Variants in PRKN observed in about 807,000 individuals in gnomAD.
The protein encoded by PRKN is parkin RBR E3 ubiquitin protein ligase, also known as E3 ubiquitin-protein ligase parkin.
A neutral mutation model predicts 59.5 loss-of-function variants in PRKN; 56 were observed. The observed-to-expected ratio is 0.94, with a 90% CI of 0.76 to 1.18. The LOEUF (loss-of-function observed/expected upper bound fraction) is 1.18, where lower values mean the gene tolerates loss of function less well. PRKN is among the 50% of genes most tolerant of loss of function. The probability of loss-of-function intolerance (pLI) is 0.00; values close to 1 mark genes in which losing one functional copy is unlikely to be tolerated. For missense variants in PRKN, 657 were observed against 596.4 expected, an observed-to-expected ratio of 1.10 and a Z score of -1.06; for synonymous variants, 250 against 222.1, an observed-to-expected ratio of 1.13 and a Z score of -1.12.
Position 161,529,959 on chromosome 6 carries a change from G to T in PRKN, c.1083+18895C>A, listed in dbSNP as rs138006284. Among the ~76,000 whole-genome samples the T allele has an allele frequency of 3.4e-3, 513 of 152,096 alleles. 2 individuals are homozygous for T. Among genetic ancestry groups the T allele is most frequent in the African/African-American group, 0.012 (497 of 41,464 alleles). On this transcript the variant is annotated intron_variant, in intron 9 of 11. Transcript: ENST00000366898. This position sits in a 1 kb window ranked among gnomAD's most constrained non-coding sequence, Gnocchi z 4.4. ...TAACACAGGAACATTAATCTACTTT[G>T]TAGAGTAGTGAAACTTATTGAGCAT...
chr6:161,579,136 G>A lies in PRKN; in HGVS notation c.872-9720C>T, dbSNP rs921007116. On this transcript the variant is annotated intron_variant, in intron 7 of 11. Coordinates refer to ENST00000366898, the MANE Select transcript of PRKN (RefSeq NM_004562.3). The surrounding 1 kb of genome is among the most constrained non-coding windows in gnomAD (Gnocchi z 4.2). ...TGTCCTTGGTTGACATCAGAGAAAGGAAAGGGAGGAAGTGAAGGAGATGGA... is the reference window on the plus strand; with the variant it reads ...TGTCCTTGGTTGACATCAGAGAAAGAAAAGGGAGGAAGTGAAGGAGATGGA... Among the ~76,000 whole-genome samples the A allele has an allele frequency of 1.3e-5, 2 of 152,224 alleles. No homozygotes were observed. The highest frequency in any genetic ancestry group is 2.9e-5 in the Non-Finnish European group (2 of 68,038).
chr6:161,926,061 A>G (rs1778957609), intron 6 of PRKN, among the ~76,000 whole-genome samples: 1 of 152,210 alleles, frequency 6.6e-6, no homozygotes, highest in Non-Finnish European at 1.5e-5. Flanking sequence ...AGCTGAAGTA[A>G]GTTCTGTAAT....
At chr6:162,084,765 G>A (rs1779187416) in intron 4 of PRKN, among the ~76,000 whole-genome samples, 1 of 151,816 alleles carries the variant, frequency 6.6e-6, no homozygotes, top group African/African-American at 2.4e-5. Context: ...TCTCTATAGT[G>A]TGTATTTAAA....
At chr6:161,793,792 A>G (rs569279435) in intron 6 of PRKN, among the ~76,000 whole-genome samples, 18 of 152,292 alleles carry the variant, frequency 1.2e-4, no homozygotes, top group African/African-American at 4.3e-4. Context: ...CTGTTTATAA[A>G]GGTTTTTAAC....
At chr6:161,840,895 A>G (rs1326549358) in intron 6 of PRKN, among the ~76,000 whole-genome samples, 1 of 151,894 alleles carries the variant, frequency 6.6e-6, no homozygotes, top group Non-Finnish European at 1.5e-5. Context: ...CAGAATGGCT[A>G]TTATTAAAAA....
At position 161,752,370 on chromosome 6, in the gene PRKN, CAAACAAAAAAACA is replaced by C. The variant is rs757471061; in HGVS notation, c.871+33389_871+33401del. Among the ~76,000 whole-genome samples, 250 of 107,754 alleles carry C rather than the reference CAAACAAAAAAACA, an allele frequency of 2.3e-3. 1 individual carries two copies. Among genetic ancestry groups the C allele is most frequent in the Non-Finnish European group, 4.4e-3 (189 of 42,486 alleles). 70.7% of individuals were successfully genotyped at this position (107,754 alleles called of 152,430 possible). A position where few individuals can be genotyped will look rare whatever the true frequency, so the allele number is the denominator to read the frequency against. ...TGACAGAGCGAGACTCTGTCTCAAA[CAAACAAAAAAACA>C]AAACAAAACAAACAAAAAACTCGCT... is the stretch of plus-strand genomic sequence containing the variant. On this transcript the variant is annotated intron_variant, in intron 7 of 11. Transcript: ENST00000366898.
chr6:162,455,174 C>G (rs901766500), intron 1 of PRKN, among the ~76,000 whole-genome samples: 1 of 152,060 alleles, frequency 6.6e-6, no homozygotes, highest in African/African-American at 2.4e-5. Context: ...ATGACGGTAT[C>G]TTATATCACC....
rs71544924 is a variant in PRKN at position 162,122,716 on chromosome 6, TTCTATCTATCTA to T, written c.535-68554_535-68543del. 1.9e-3 allele frequency among the ~76,000 whole-genome samples: 274 copies of T among 147,918 alleles called. 1 individual carries two copies. The highest frequency in any genetic ancestry group is 6.7e-3 in the East Asian group (33 of 4,926). ...TTTGGATAGCCTGGGGCTCAATCTG[TTCTATCTATCTA>T]TCTATCTATCTATCTATCTATCTAT... is the stretch of plus-strand genomic sequence containing the variant. On this transcript the variant is annotated intron_variant, in intron 4 of 11. Coordinates refer to ENST00000366898, the MANE Select transcript of PRKN (RefSeq NM_004562.3).
intron 2 of PRKN, among the ~76,000 whole-genome samples, chr6:162,370,710 G>A (rs775181931): frequency 1.3e-5 from 2 of 152,170 alleles, no homozygotes; most frequent in Non-Finnish European, 2.9e-5. Context: ...CACTACAAAT[G>A]AATACAGTCA....
chr6:162,337,384 T>C (rs1562681827), intron 2 of PRKN, among the ~76,000 whole-genome samples: 2 of 152,342 alleles, frequency 1.3e-5, no homozygotes, highest in East Asian at 1.9e-4. Context: ...AATAGGTAAC[T>C]AGACGATGCC....
chr6:162,398,987 TA>T (rs1277472162), intron 2 of PRKN, among the ~76,000 whole-genome samples: 2 of 152,216 alleles, frequency 1.3e-5, no homozygotes, highest in Admixed American at 1.3e-4. Flanking sequence ...ACTTAAAACA[TA>T]AACATGATTA....
chr6:162,201,874 T>C (rs753687147), intron 3 of PRKN, among the ~76,000 whole-genome samples: 6 of 152,156 alleles, frequency 3.9e-5, no homozygotes, highest in Non-Finnish European at 8.8e-5. Flanking sequence ...GCAAACACCA[T>C]TCAAATAATA....
At chr6:162,477,497 G>A (rs769372282) in intron 1 of PRKN, among the ~76,000 whole-genome samples, 1 of 152,128 alleles carries the variant, frequency 6.6e-6, no homozygotes, top group Non-Finnish European at 1.5e-5. Flanking sequence ...TATAAGAGTC[G>A]AGTTATGCAG....
intron 1 of PRKN, among the ~76,000 whole-genome samples, chr6:162,717,297 C>T (rs1778765679): frequency 6.6e-6 from 1 of 152,082 alleles, no homozygotes; most frequent in African/African-American, 2.4e-5. Flanking sequence ...CACTTTGGGG[C>T]TGGGCACAGT....
chr6:161,805,274 G>A (rs1791260079), intron 6 of PRKN, among the ~76,000 whole-genome samples: 2 of 152,092 alleles, frequency 1.3e-5, no homozygotes, highest in Admixed American at 1.3e-4. Context: ...CGTTCTTCAT[G>A]TTTACTCGAT....
chr6:162,510,162 G>A (rs1055629685), intron 1 of PRKN, among the ~76,000 whole-genome samples: 6 of 152,142 alleles, frequency 3.9e-5, no homozygotes, highest in African/African-American at 9.7e-5. Flanking sequence ...ACCCAACACC[G>A]ACACCTCTAC....
At chr6:161,884,498 G>A (rs888902193) in intron 6 of PRKN, among the ~76,000 whole-genome samples, 5 of 152,082 alleles carry the variant, frequency 3.3e-5, no homozygotes, top group African/African-American at 1.2e-4. Context: ...AGTGCTTCAG[G>A]CCTTCACCTC....
At chr6:162,628,645 C>T in intron 1 of PRKN, among the ~76,000 whole-genome samples, 1 of 151,942 alleles carries the variant, frequency 6.6e-6, no homozygotes, top group East Asian at 1.9e-4. Context: ...GAAAGTGATT[C>T]TTGGCAGATA....
chr6:162,320,187 C>T (rs1262407750), intron 2 of PRKN, among the ~76,000 whole-genome samples: 3 of 151,340 alleles, frequency 2.0e-5, no homozygotes, highest in Non-Finnish European at 4.4e-5. Context: ...GTATATCTGC[C>T]AGTTTCTTTA....
Sources: allele counts gnomAD v4.1 joint callset (sites outside exome capture counted in the v4.1 genomes callset), GRCh38; gene constraint gnomAD v4.1.1; non-coding constraint Gnocchi (gnomAD v3.1); transcripts MANE v1.5; gene names NCBI Gene and HGNC (gene_info 2026-07-23, HGNC 2026-07-21).